FAM171A1: variants seen among roughly 807,000 people sequenced by gnomAD.
FAM171A1 encodes family with sequence similarity 171 member A1.
FAM171A1 carries 23 observed loss-of-function variants against 74.9 expected under a neutral mutation model. That is an observed-to-expected ratio of 0.31 (90% CI 0.22 to 0.44). The LOEUF (loss-of-function observed/expected upper bound fraction) is 0.44, where lower values mean the gene tolerates loss of function less well. Ranked by LOEUF, FAM171A1 falls within the 20% of genes least tolerant of loss-of-function variation. The pLI is 1.00. For synonymous variants in FAM171A1, 527 were observed against 505.7 expected (o/e 1.04, Z -0.57); for missense variants, 1,162 against 1,159.2 (o/e 1.00, Z -0.03).
rs1834463344 is a variant in FAM171A1, at chr10:15,248,521, T to C, written c.754+118A>G. 2.8e-6 allele frequency: 3 copies of C among 1,072,322 alleles called. No individual in the cohort carries two copies. The South Asian group carries it at 6.0e-5, about 21-fold the overall frequency. 66.4% of individuals were successfully genotyped at this position (1,072,322 alleles called of 1,614,324 possible). A position where few individuals can be genotyped will look rare whatever the true frequency, so the allele number is the denominator to read the frequency against. ...CCATGAGAAACCACACAATGCAATGTGAGCAGCAGCATTCACTGACTTCAA... is the reference window on the plus strand; with the variant it reads ...CCATGAGAAACCACACAATGCAATGCGAGCAGCAGCATTCACTGACTTCAA... On this transcript the variant is annotated intron_variant, in intron 5 of 7. Coordinates refer to ENST00000378116, the MANE Select transcript of FAM171A1 (RefSeq NM_001010924.2).
chr10:15,212,968 T>C lies in FAM171A1; in HGVS notation c.2620A>G (p.Ser874Gly), dbSNP rs1833910349. 1 of 1,614,082 alleles carries C rather than the reference T, an allele frequency of 6.2e-7. No individual in the cohort carries two copies. The highest frequency in any genetic ancestry group is 8.5e-7 in the Non-Finnish European group (1 of 1,180,028). Residue 874 changes from serine (S) to glycine (G), a missense_variant, in exon 8 of 8, where the codon AGC becomes GGC. Coordinates refer to ENST00000378116, the MANE Select transcript of FAM171A1 (RefSeq NM_001010924.2). ...CTCTCCTCCCGTTTCTGCCAGGGGC[T>C]TTTCTTGTCTTCTCCTTGGTCATCA... is the stretch of plus-strand genomic sequence containing the variant. ...DDDDQGEDKK[S>G]PWQKREERPL...
chr10:15,229,483 C>T (rs1291241631), intron 5 of FAM171A1, among the ~76,000 whole-genome samples: 1 of 148,882 alleles, frequency 6.7e-6, no homozygotes, highest in African/African-American at 2.5e-5. Flanking sequence ...CATTGTCACC[C>T]CATCACCATA....
intron 5 of FAM171A1, among the ~76,000 whole-genome samples, chr10:15,225,090 C>A (rs534335086): frequency 6.6e-6 from 1 of 152,240 alleles, no homozygotes; most frequent in Admixed American, 6.5e-5. Flanking sequence ...CAAAAACACA[C>A]GTTGCCTTCC....
chr10:15,294,728 C>G (rs749347435), intron 1 of FAM171A1, among the ~76,000 whole-genome samples: 1 of 152,158 alleles, frequency 6.6e-6, no homozygotes, highest in Non-Finnish European at 1.5e-5. Context: ...GAACTAAATG[C>G]GACAAGGCTG....
Position 15,220,620 on chromosome 10 carries a change from C to T in FAM171A1, c.871+324G>A, listed in dbSNP as rs796453233. On this transcript the variant is annotated intron_variant, in intron 6 of 7. Transcript: ENST00000378116. ...CTACATGTGTGCCTATACCAGGCCACAGCTGTTTCAGGAATTAGGGAGGAG... is the reference window on the plus strand; with the variant it reads ...CTACATGTGTGCCTATACCAGGCCATAGCTGTTTCAGGAATTAGGGAGGAG... Among the ~76,000 whole-genome samples the T allele has an allele frequency of 7.2e-5, 11 of 152,022 alleles. No homozygotes were observed. The East Asian group carries it at 2.1e-3, about 29-fold the overall frequency.
At chr10:15,348,647 G>A (rs912584868) in intron 1 of FAM171A1, among the ~76,000 whole-genome samples, 2 of 152,154 alleles carry the variant, frequency 1.3e-5, no homozygotes, top group Non-Finnish European at 2.9e-5. Flanking sequence ...CCAACCAGCA[G>A]CATCAGCCTC....
chr10:15,352,622 T>C (rs1199685941), intron 1 of FAM171A1, among the ~76,000 whole-genome samples: 19 of 152,134 alleles, frequency 1.2e-4, no homozygotes, highest in Non-Finnish European at 2.8e-4. Context: ...TAAAGGCAAA[T>C]GAGGTTCAAG....
At position 15,262,819 on chromosome 10, in the gene FAM171A1, A is replaced by G. The variant is rs149659897; in HGVS notation, c.419-7940T>C. Among the ~76,000 whole-genome samples, 692 of 152,290 alleles carry G rather than the reference A, an allele frequency of 4.5e-3. 3 individuals are homozygous for G. Among genetic ancestry groups the G allele is most frequent in the Non-Finnish European group, 7.9e-3 (534 of 68,004 alleles). ...AGGAGGTGATAACAAATGGGCTCCA[A>G]TGAGAATGTGAAGGGGTTCATGGTG... is the stretch of plus-strand genomic sequence containing the variant. On this transcript the variant is annotated intron_variant, in intron 3 of 7. Coordinates refer to ENST00000378116, the MANE Select transcript of FAM171A1 (RefSeq NM_001010924.2).
intron 1 of FAM171A1, among the ~76,000 whole-genome samples, chr10:15,337,211 C>T (rs1835711530): frequency 6.6e-6 from 1 of 152,046 alleles, no homozygotes; most frequent in Non-Finnish European, 1.5e-5. Flanking sequence ...TAATTCAGGT[C>T]TGTGTTTCAA....
At chr10:15,367,690 A>G (rs1003520774) in intron 1 of FAM171A1, among the ~76,000 whole-genome samples, 1 of 152,242 alleles carries the variant, frequency 6.6e-6, no homozygotes, top group Non-Finnish European at 1.5e-5. Context: ...GACAAAGCCA[A>G]TCATTGTCTT....
chr10:15,343,754 G>T (rs987767410), intron 1 of FAM171A1, among the ~76,000 whole-genome samples: 3 of 152,118 alleles, frequency 2.0e-5, no homozygotes, highest in Non-Finnish European at 2.9e-5. Context: ...GTCCAGGAGG[G>T]GGGCTGGGAA....
At chr10:15,278,599 A>G (rs1564631165) in intron 2 of FAM171A1, among the ~76,000 whole-genome samples, 1 of 152,224 alleles carries the variant, frequency 6.6e-6, no homozygotes, top group East Asian at 1.9e-4. Flanking sequence ...GACATGTGCT[A>G]CAACGTGGAT....
chr10:15,271,200 G>A (rs1202900194), intron 3 of FAM171A1, among the ~76,000 whole-genome samples: 1 of 152,176 alleles, frequency 6.6e-6, no homozygotes, highest in Admixed American at 6.5e-5. Flanking sequence ...ATGACCTGAT[G>A]GAGCTGAAAA....
At chr10:15,233,521 GGTGT>G (rs61637156) in intron 5 of FAM171A1, among the ~76,000 whole-genome samples, 2,170 of 145,338 alleles carry the variant, frequency 0.015, 29 homozygotes, top group African/African-American at 0.038. Flanking sequence ...GTGTATTCAG[GGTGT>G]GTGTGTGTGT....
At chr10:15,328,010 T>C (rs997617567) in intron 1 of FAM171A1, among the ~76,000 whole-genome samples, 1 of 148,920 alleles carries the variant, frequency 6.7e-6, no homozygotes, top group Non-Finnish European at 1.5e-5. Flanking sequence ...AAAACTTGCC[T>C]CAGAACACTG....
At position 15,246,032 on chromosome 10, in the gene FAM171A1, C is replaced by T. The variant is rs114269181; in HGVS notation, c.754+2607G>A. On this transcript the variant is annotated intron_variant, in intron 5 of 7. Coordinates refer to ENST00000378116, the MANE Select transcript of FAM171A1 (RefSeq NM_001010924.2). ...GGTCACACATCCCTCAGGCTACTCC[C>T]TCCTGGAGGCACAGTGTACCTCAGG... is the stretch of plus-strand genomic sequence containing the variant. Among the ~76,000 whole-genome samples, 602 of 152,296 alleles carry T rather than the reference C, an allele frequency of 4.0e-3. 1 individual carries two copies. The highest frequency in any genetic ancestry group is 0.013 in the African/African-American group (560 of 41,548).
chr10:15,217,979 G>A (rs1833988179), intron 6 of FAM171A1, among the ~76,000 whole-genome samples: 1 of 152,158 alleles, frequency 6.6e-6, no homozygotes, highest in Non-Finnish European at 1.5e-5. Context: ...TCCCACGGAT[G>A]TAGCAAAGCT....
chr10:15,219,329 C>T (rs1340461200), intron 6 of FAM171A1, among the ~76,000 whole-genome samples: 1 of 152,092 alleles, frequency 6.6e-6, no homozygotes, highest in African/African-American at 2.4e-5. Context: ...AACACACACA[C>T]ACAAAAAGCA....
chr10:15,283,638 G>T (rs2131808626), intron 2 of FAM171A1, among the ~76,000 whole-genome samples: 1 of 152,278 alleles, frequency 6.6e-6, no homozygotes, highest in Non-Finnish European at 1.5e-5. Context: ...AGGCTAGACT[G>T]CAGTGGTGTC....
Sources: gnomAD v4.1 joint callset for allele counts (sites outside exome capture counted in the v4.1 genomes callset) on GRCh38, gnomAD v4.1.1 for gene constraint, MANE v1.5 for transcripts, NCBI Gene and HGNC (gene_info 2026-07-23, HGNC 2026-07-21) for gene names.